Variants in DSG4 observed in about 807,000 individuals in gnomAD.
DSG4 encodes desmoglein 4, also known as desmoglein-4.
Under a neutral mutation model 93.1 loss-of-function variants are expected in DSG4, and 87 were observed. The observed-to-expected ratio is 0.93, with a 90% CI of 0.79 to 1.12. DSG4 has a LOEUF of 1.12. Among genes scored for constraint, DSG4 ranks in the 50% most tolerant of loss-of-function variants. The pLI is 0.00. For missense variants in DSG4, 1,373 were observed against 1,285.7 expected, an observed-to-expected ratio of 1.07 and a Z score of -1.04; for synonymous variants, 432 against 452.9, an observed-to-expected ratio of 0.95 and a Z score of 0.59.
Position 31,409,505 on chromosome 18 carries a change from C to T in DSG4, c.1987C>T (p.Leu663=). The T allele has an allele frequency of 6.2e-7, 1 of 1,614,170 alleles. No individual in the cohort carries two copies. Among genetic ancestry groups the T allele is most frequent in the African/African-American group, 1.3e-5 (1 of 75,018 alleles). The change falls in exon 13 of 16, where the codon CTG becomes TTG. Residue 663 remains leucine, a synonymous_variant. Transcript: ENST00000308128. ...CTGCAAACAGAGACAGCCAGAAGGCCTGGGAACAAGATTTGCTCCTGTGCC... is the reference window on the plus strand; with the variant it reads ...CTGCAAACAGAGACAGCCAGAAGGCTTGGGAACAAGATTTGCTCCTGTGCC... ...CCCKQRQPEG[L]GTRFAPVPEG...
At chr18:31,411,589 C>T (rs1250503491) in intron 15 of DSG4, 141 bp downstream of exon 15, 24 of 1,079,392 alleles carry the variant, frequency 2.2e-5, no homozygotes, top group Non-Finnish European at 2.7e-5. Flanking sequence ...AAGTATTTCA[C>T]GTCTCCTTAA....
intron 8 of DSG4, among the ~76,000 whole-genome samples, chr18:31,395,639 A>C (rs897006908): frequency 2.6e-5 from 4 of 152,164 alleles, no homozygotes; most frequent in Admixed American, 2.6e-4. Context: ...GATACCCCTT[A>C]ACCCTGAGGA....
At chr18:31,395,741 C>T (rs2072298482) in intron 8 of DSG4, among the ~76,000 whole-genome samples, 1 of 152,134 alleles carries the variant, frequency 6.6e-6, no homozygotes, top group Non-Finnish European at 1.5e-5. Flanking sequence ...TGGCTCGTGC[C>T]TGTAATCCCA....
chr18:31,377,137 C>T (rs534395366), intron 1 of DSG4, among the ~76,000 whole-genome samples, 178 bp downstream of exon 1: 75 of 152,184 alleles, frequency 4.9e-4, no homozygotes, highest in Non-Finnish European at 7.8e-4. Context: ...GAACAAAATG[C>T]CATAGAGAAG....
At position 31,403,429 on chromosome 18, in the gene DSG4, A is replaced by T; in HGVS notation, c.1431A>T (p.Lys477Asn). 6.2e-7 allele frequency: 1 copy of T among 1,612,860 alleles called. No individual in the cohort carries two copies. Among genetic ancestry groups the T allele is most frequent in the Non-Finnish European group, 8.5e-7 (1 of 1,179,366 alleles). The change falls in exon 11 of 16, where the codon AAA (lysine) becomes AAT (asparagine). Residue 477 changes from lysine to asparagine, a missense_variant. Coordinates refer to ENST00000308128, the MANE Select transcript of DSG4 (RefSeq NM_177986.5). The part of the protein sequence containing the change: ...EILAIDDGSG[K>N]TATGTICIEV... Reference sequence around the variant, plus strand: ...TTACTCTTTCAGATGGCTCTGGAAAAACAGCTACAGGAACCATATGTATTG... The same window carrying T: ...TTACTCTTTCAGATGGCTCTGGAAATACAGCTACAGGAACCATATGTATTG...
rs2072191044 is a variant in DSG4 at position 31,386,682 on chromosome 18, CT to C, written c.85-4del. 6.2e-7 allele frequency: 1 copy of C among 1,612,670 alleles called. No homozygotes were observed. Among genetic ancestry groups the C allele is most frequent in the East Asian group, 2.2e-5 (1 of 44,848 alleles). On this transcript the variant is annotated splice_region_variant and splice_polypyrimidine_tract_variant and intron_variant, in intron 2 of 15. Transcript: ENST00000308128. ...CTGTAAGACACCTGAACCATTTTTG[CT>C]TAAGGTGAAGGAATTTGACATTGAA...
Position 31,409,026 on chromosome 18 carries a change from G to C in DSG4, c.1934-426G>C, listed in dbSNP as rs150201244. ...TTTGACTTCTATTTTAAGTGTAACT[G>C]TAATAAGGATTGAAGATAGGTCCTA... On this transcript the variant is annotated intron_variant, in intron 12 of 15. Coordinates refer to ENST00000308128, the MANE Select transcript of DSG4 (RefSeq NM_177986.5). Among the ~76,000 whole-genome samples the C allele has an allele frequency of 4.3e-4, 66 of 152,230 alleles. No individual in the cohort carries two copies. In the East Asian group the frequency reaches 9.8e-3, roughly 23 times the overall value.
At chr18:31,404,242 T>A (rs957658706) in intron 11 of DSG4, among the ~76,000 whole-genome samples, 2 of 152,172 alleles carry the variant, frequency 1.3e-5, no homozygotes, top group African/African-American at 4.8e-5. Context: ...ATGCAAAGTA[T>A]GTAGATACAA....
rs2072217376 is a variant in DSG4 at position 31,388,817 on chromosome 18, G to A, written c.373-57G>A. The A allele has an allele frequency of 3.7e-6, 6 of 1,611,500 alleles. No homozygotes were observed. The South Asian group carries it at 5.5e-5, about 15-fold the overall frequency. On this transcript the variant is annotated intron_variant, in intron 4 of 15. Transcript: ENST00000308128. ...TGCCTATTTTCTGATATATTTTCAA[G>A]CATGTTACTAAAATTCCTTTGGTGG...
At chr18:31,393,240 T>C (rs1413868325) in intron 8 of DSG4, among the ~76,000 whole-genome samples, 1 of 152,176 alleles carries the variant, frequency 6.6e-6, no homozygotes, top group African/African-American at 2.4e-5. Flanking sequence ...CACAGTGTGA[T>C]TGTGGAATTT....
chr18:31,409,253 A>G lies in DSG4; in HGVS notation c.1934-199A>G, dbSNP rs12966815. Among the ~76,000 whole-genome samples, 65,247 of 152,122 alleles carry G rather than the reference A, an allele frequency of 0.43. 14,664 individuals are homozygous for G. Among genetic ancestry groups the G allele is most frequent in the East Asian group, 0.52 (2,689 of 5,172 alleles). On this transcript the variant is annotated intron_variant, in intron 12 of 15. Coordinates refer to ENST00000308128, the MANE Select transcript of DSG4 (RefSeq NM_177986.5). ...CCTTGCCATCTAGCGCTAAAGTTCTATGTGATTTGGTGGTGCTGTATTTAT... is the reference window on the plus strand; with the variant it reads ...CCTTGCCATCTAGCGCTAAAGTTCTGTGTGATTTGGTGGTGCTGTATTTAT...
At chr18:31,380,947 G>C (rs2072127218) in intron 1 of DSG4, among the ~76,000 whole-genome samples, 2 of 152,066 alleles carry the variant, frequency 1.3e-5, no homozygotes, top group Non-Finnish European at 2.9e-5. Context: ...GATTAAAAGA[G>C]AAAACAAGAC....
At chr18:31,402,641 C>T (rs1165133883) in intron 10 of DSG4, among the ~76,000 whole-genome samples, 2 of 151,728 alleles carry the variant, frequency 1.3e-5, no homozygotes, top group Non-Finnish European at 2.9e-5. Flanking sequence ...AGTAAGGTAC[C>T]CCAGAGACGA....
At chr18:31,407,013 T>G (rs1274423101) in intron 12 of DSG4, among the ~76,000 whole-genome samples, 3 of 152,056 alleles carry the variant, frequency 2.0e-5, no homozygotes, top group African/African-American at 4.8e-5. Flanking sequence ...CCTGACCTCG[T>G]GGTCCACCTG....
Position 31,388,224 on chromosome 18 carries a change from A to G in DSG4, c.217-143A>G, listed in dbSNP as rs960728069. 8.3e-5 allele frequency: 72 copies of G among 868,132 alleles called. No homozygotes were observed. In the African/African-American group the frequency reaches 1.1e-3, roughly 14 times the overall value. The allele number at this position is 868,132 out of a possible 1,614,324, so 53.8% of individuals were successfully genotyped here. On this transcript the variant is annotated intron_variant, in intron 3 of 15. Transcript: ENST00000308128. ...CTGGGCAAAGTTAAGTAAATTTTCC[A>G]GGGTCACACAGGACTAAGTCATGGT...
Position 31,413,248 on chromosome 18 carries a change from G to C in DSG4, c.2776G>C (p.Asp926His). 6.2e-7 allele frequency: 1 copy of C among 1,614,130 alleles called. No homozygotes were observed. Among genetic ancestry groups the C allele is most frequent in the South Asian group, 1.1e-5 (1 of 91,080 alleles). ...PCVQPTTIIF[D>H]PQLAPNVVVT... The stretch of plus-strand genomic sequence containing the variant: ...TGTGCAACCCACTACAATTATTTTT[G>C]ATCCTCAGCTTGCACCCAATGTTGT... Residue 926 changes from aspartate to histidine, a missense_variant, in exon 16 of 16, where the codon GAT (aspartate) becomes CAT (histidine). Coordinates refer to ENST00000308128, the MANE Select transcript of DSG4 (RefSeq NM_177986.5).
Position 31,411,307 on chromosome 18 carries a change from G to C in DSG4, c.2214G>C (p.Met738Ile). The change falls in exon 15 of 16, where the codon ATG (methionine) becomes ATC (isoleucine). Residue 738 changes from methionine (M) to isoleucine (I), a missense_variant. Transcript: ENST00000308128. ...GVSGVELNTG[M>I]GTAVGLMAAG... ...CGGGAGTGGAGCTCAACACAGGTAT[G>C]GGGACAGCCGTTGGCCTCATGGCCG... 6.2e-7 allele frequency: 1 copy of C among 1,612,498 alleles called. No homozygotes were observed. Among genetic ancestry groups the C allele is most frequent in the Admixed American group, 1.7e-5 (1 of 59,926 alleles).
intron 1 of DSG4, among the ~76,000 whole-genome samples, chr18:31,383,643 T>C (rs1375009301): frequency 6.6e-6 from 1 of 152,162 alleles, no homozygotes; most frequent in Non-Finnish European, 1.5e-5. Context: ...GCTTCTGGTC[T>C]TTCCTCAAGT....
chr18:31,387,223 A>G (rs2144170730), intron 3 of DSG4, among the ~76,000 whole-genome samples: 1 of 152,278 alleles, frequency 6.6e-6, no homozygotes, highest in South Asian at 2.1e-4. Flanking sequence ...TTCCCACCAG[A>G]TCTCTACATC....
Sources: gnomAD v4.1 joint callset for allele counts (sites outside exome capture counted in the v4.1 genomes callset) on GRCh38, gnomAD v4.1.1 for gene constraint, MANE v1.5 for transcripts, NCBI Gene and HGNC (gene_info 2026-07-23, HGNC 2026-07-21) for gene names.